CPLANE1: variants seen among roughly 807,000 people sequenced by gnomAD.
The protein encoded by CPLANE1 is ciliogenesis and planar polarity effector 1.
In CPLANE1, 263 loss-of-function variants were observed where a neutral mutation model predicts 362.5. The observed-to-expected ratio is 0.73, with a 90% CI of 0.66 to 0.80. The LOEUF is 0.80. CPLANE1 is among the 30% of genes least tolerant of loss of function. The pLI, the probability that CPLANE1 is intolerant of heterozygous loss-of-function variation, is 0.00. For missense variants in CPLANE1, 3,461 were observed against 3,793.4 expected (o/e 0.91, Z 2.30); for synonymous variants, 1,212 against 1,302.6 (o/e 0.93, Z 1.50).
chr5:37,139,724 A>G, intron 44 of CPLANE1: 3 of 452,332 alleles, frequency 6.6e-6, no homozygotes, highest in Non-Finnish European at 8.8e-6. Flanking sequence ...TAATTTTTGT[A>G]TTTTTTGTAG....
Position 37,120,255 on chromosome 5 carries a change from T to G in CPLANE1, c.9271A>C (p.Lys3091Gln). ...GAGCCTTGAGGTTGCCCAAAAGACT[T>G]CCTCTTATGGATATAACTCGGTTTG... ...MSKPSYIHKR[K>Q]SFGQPQGSPW... The change falls in exon 50 of 53, where the codon AAG becomes CAG. Residue 3091 changes from lysine to glutamine, a missense_variant. Physicochemically the swap from Lys to Gln is moderately conservative, Grantham distance 53. This residue lies in a region of CPLANE1 where 3,380 missense variants were observed against 3,666.1 expected (regional missense o/e 0.92). Transcript: ENST00000651892. The G allele has an allele frequency of 6.2e-7, 1 of 1,603,568 alleles. No homozygotes were observed. Among genetic ancestry groups the G allele is most frequent in the Non-Finnish European group, 8.5e-7 (1 of 1,177,032 alleles).
intron 50 of CPLANE1, 36 bp from the exon 51 acceptor site, chr5:37,115,085 G>A (rs777379098): frequency 1.6e-6 from 2 of 1,275,394 alleles, no homozygotes; most frequent in African/African-American, 1.5e-5. Flanking sequence ...GCCTTCCATA[G>A]ACATCCATGA....
intron 51 of CPLANE1, among the ~76,000 whole-genome samples, chr5:37,112,698 A>G (rs927982567): frequency 1.5e-4 from 23 of 152,244 alleles, no homozygotes; most frequent in African/African-American, 5.5e-4. Flanking sequence ...TACCTCCATC[A>G]TTCCCAAAGA....
intron 31 of CPLANE1, 75 bp downstream of exon 31, chr5:37,175,834 C>T (rs1034564588): frequency 1.0e-6 from 1 of 964,140 alleles, no homozygotes; most frequent in Non-Finnish European, 1.6e-6. Flanking sequence ...AAAAATGGTA[C>T]AGTCGGCATA....
intron 46 of CPLANE1, among the ~76,000 whole-genome samples, chr5:37,132,165 T>G (rs1179319429): frequency 6.6e-6 from 1 of 152,052 alleles, no homozygotes; most frequent in African/African-American, 2.4e-5. Flanking sequence ...GGAATCCTTT[T>G]TCGTTTTTGT....
chr5:37,213,711 T>C lies in CPLANE1; in HGVS notation c.2768A>G (p.Glu923Gly). The change falls in exon 16 of 53, where the codon GAG becomes GGG. Residue 923 changes from glutamate to glycine, a missense_variant. By Grantham distance (98) the Glu-to-Gly change is moderately conservative. This residue lies in a region of CPLANE1 where 3,380 missense variants were observed against 3,666.1 expected (regional missense o/e 0.92). Coordinates refer to ENST00000651892, the MANE Select transcript of CPLANE1 (RefSeq NM_001384732.1). Reference protein sequence around the residue: ...DFSGAAKSHFECGMVGGVHPE... With the variant: ...DFSGAAKSHFGCGMVGGVHPE... ...ATGAACACCGCCCACCATTCCACAC[T>C]CAAAATGAGACTTTGCAGCACCTAA... 6.6e-7 allele frequency: 1 copy of C among 1,516,222 alleles called. No homozygotes were observed. The highest frequency in any genetic ancestry group is 8.9e-7 in the Non-Finnish European group (1 of 1,125,484). The allele number at this position is 1,516,222 out of a possible 1,614,324, so 93.9% of individuals were successfully genotyped here. A position where few individuals can be genotyped will look rare whatever the true frequency, so the allele number is the denominator to read the frequency against.
intron 9 of CPLANE1, among the ~76,000 whole-genome samples, chr5:37,228,640 TATC>T (rs1796983238): frequency 6.6e-6 from 1 of 152,190 alleles, no homozygotes; most frequent in Non-Finnish European, 1.5e-5. Context: ...ATATTGCTAT[TATC>T]ATTGTTATAT....
intron 47 of CPLANE1, 22 bp downstream of exon 47, chr5:37,125,222 A>T: frequency 1.9e-6 from 3 of 1,598,868 alleles, no homozygotes; most frequent in Non-Finnish European, 2.6e-6. Context: ...TAATTCCATT[A>T]CCCTTGACAT....
rs998139415 is a variant in CPLANE1 at position 37,106,784 on chromosome 5, T to C, written c.*818A>G. ...GGTATTTAATAGCTTTTTCAGATGA[T>C]AGTGTGCTTTTATATTATACCAAAC... On this transcript the variant is annotated 3_prime_UTR_variant, in exon 53 of 53. Coordinates refer to ENST00000651892, the MANE Select transcript of CPLANE1 (RefSeq NM_001384732.1). 1.1e-4 allele frequency: 99 copies of C among 906,558 alleles called. No individual in the cohort carries two copies. The highest frequency in any genetic ancestry group is 1.2e-4 in the Non-Finnish European group (93 of 758,172). The allele number at this position is 906,558 out of a possible 1,614,324, so 56.2% of individuals were successfully genotyped here. A position where few individuals can be genotyped will look rare whatever the true frequency, so the allele number is the denominator to read the frequency against.
intron 13 of CPLANE1, 23 bp downstream of exon 13, chr5:37,224,509 G>C (rs1201866901): frequency 1.4e-6 from 2 of 1,481,398 alleles, no homozygotes; most frequent in South Asian, 2.5e-5. Context: ...CATGGAGTTA[G>C]AAAATATTCA....
At chr5:37,084,823 G>A in the CPLANE1 span, among the ~76,000 whole-genome samples, 3 of 151,308 alleles carry the variant, frequency 2.0e-5, no homozygotes, top group African/African-American at 7.3e-5. Context: ...ATGGCAGAAT[G>A]GGTAAGAATT....
intron 6 of CPLANE1, 43 bp from the exon 7 acceptor site, chr5:37,239,912 C>T (rs1223973420): frequency 3.7e-6 from 5 of 1,351,018 alleles, no homozygotes; most frequent in Non-Finnish European, 4.9e-6. Context: ...GGTATAGTAA[C>T]TTTTAAATTT....
chr5:37,170,448 G>T, intron 32 of CPLANE1, 117 bp from the exon 33 acceptor site: 3 of 1,079,534 alleles, frequency 2.8e-6, no homozygotes, highest in Non-Finnish European at 2.6e-6. Flanking sequence ...ATATCTATGA[G>T]AATCATGAAT....
chr5:37,228,671 G>T (rs1263960236), intron 9 of CPLANE1, among the ~76,000 whole-genome samples: 2 of 152,078 alleles, frequency 1.3e-5, no homozygotes, highest in Non-Finnish European at 2.9e-5. Flanking sequence ...TTTAAAATGT[G>T]GGGGACAACA....
At chr5:37,076,837 C>G in the CPLANE1 span, among the ~76,000 whole-genome samples, 3 of 146,652 alleles carry the variant, frequency 2.0e-5, no homozygotes, top group Non-Finnish European at 4.5e-5. Context: ...ATCTAGGATG[C>G]CTAGTGGTCT....
In CPLANE1 at chr5:37,173,840, T is replaced by G; in HGVS notation, c.6086A>C (p.Gln2029Pro). 1 of 1,614,206 alleles carries G rather than the reference T, an allele frequency of 6.2e-7. No homozygotes were observed. Among genetic ancestry groups the G allele is most frequent in the Non-Finnish European group, 8.5e-7 (1 of 1,180,028 alleles). ...TAACTGAGCCGTGAATTCATTTCTC[T>G]GGGTCTTCTGAGGTGTTGGAGCAGG... ...QPPAPTPQKT[Q>P]RNEFTAQLPD... Residue 2029 changes from glutamine (Q) to proline (P), a missense_variant, in exon 32 of 53, where the codon CAG becomes CCG. Gln to Pro is a moderately conservative substitution (Grantham distance 76). Transcript: ENST00000651892.
chr5:37,209,539 C>T lies in CPLANE1; in HGVS notation c.2921-3114G>A. ...CCTGTATTGAGTGGAGAACTGCAAC[C>T]TCAGTCCATTTCAGTGCAAGGGAGC... On this transcript the variant is annotated intron_variant, in intron 16 of 52. Transcript: ENST00000651892. The surrounding 1 kb of genome is among the most constrained non-coding windows in gnomAD (Gnocchi z 4.6). The T allele has an allele frequency of 6.2e-6, 8 of 1,296,512 alleles. No individual in the cohort carries two copies. Among genetic ancestry groups the T allele is most frequent in the Non-Finnish European group, 9.0e-6 (8 of 891,880 alleles). The allele number at this position is 1,296,512 out of a possible 1,614,324, so 80.3% of individuals were successfully genotyped here.
chr5:37,087,480 G>A, the CPLANE1 span, among the ~76,000 whole-genome samples: 117 of 152,256 alleles, frequency 7.7e-4, 1 homozygote, highest in South Asian at 6.6e-3. Context: ...TTTTTGAGAC[G>A]GAGTTTCACT....
At chr5:37,208,398 C>T (rs544738359) in intron 16 of CPLANE1, among the ~76,000 whole-genome samples, 4 of 152,332 alleles carry the variant, frequency 2.6e-5, no homozygotes, top group Non-Finnish European at 4.4e-5. Context: ...GGCTTAGAGG[C>T]CGGGAGCGGT....
Sources: gnomAD v4.1 joint callset for allele counts (sites outside exome capture counted in the v4.1 genomes callset) on GRCh38, gnomAD v4.1.1 for gene constraint, gnomAD v4.1.1 regional missense constraint, Gnocchi (gnomAD v3.1) non-coding constraint, MANE v1.5 for transcripts, NCBI Gene and HGNC (gene_info 2026-07-23, HGNC 2026-07-21) for gene names.